The following ST7L variants were observed in gnomAD, a reference collection of about 807,000 sequenced individuals.
The protein encoded by ST7L is suppression of tumorigenicity 7 like.
ST7L carries 57 observed loss-of-function variants against 72.5 expected under a neutral mutation model. The ratio of observed to expected loss-of-function variants is 0.79; its 90% confidence interval spans 0.64 to 0.98. The LOEUF (loss-of-function observed/expected upper bound fraction) is 0.98, where lower values mean the gene tolerates loss of function less well. Among genes scored for constraint, ST7L ranks in the 50% least tolerant of loss-of-function variants. The probability of loss-of-function intolerance (pLI) is 0.00; values close to 1 mark genes in which losing one functional copy is unlikely to be tolerated. For synonymous variants in ST7L, 221 were observed against 240.9 expected, an observed-to-expected ratio of 0.92 and a Z score of 0.77; for missense variants, 576 against 672.2, an observed-to-expected ratio of 0.86 and a Z score of 1.58.
chr1:112,539,930 T>C (rs1322228655), intron 14 of ST7L: 3 of 985,298 alleles, frequency 3.0e-6, no homozygotes, highest in African/African-American at 1.7e-5. Flanking sequence ...TAAATGCTTG[T>C]TTATTATCCA....
chr1:112,560,052 G>A (rs1659850292), intron 11 of ST7L, among the ~76,000 whole-genome samples: 1 of 151,988 alleles, frequency 6.6e-6, no homozygotes, highest in African/African-American at 2.4e-5. Context: ...ATTATTATTG[G>A]TGGTCCTACC....
At chr1:112,619,293 C>A, upstream of ST7L, 1 of 629,702 alleles carries the variant, frequency 1.6e-6, no homozygotes, top group South Asian at 1.9e-5. Flanking sequence ...GCTACCTGTT[C>A]TTTCGTGGGG....
intron 14 of ST7L, among the ~76,000 whole-genome samples, chr1:112,541,336 C>G (rs1209954257): frequency 1.3e-5 from 2 of 151,504 alleles, no homozygotes; most frequent in Admixed American, 1.3e-4. Flanking sequence ...TATCAGTCCT[C>G]AAGTGTTAAC....
At chr1:112,569,054 T>TA (rs951720354) in intron 11 of ST7L, among the ~76,000 whole-genome samples, 16 of 151,564 alleles carry the variant, frequency 1.1e-4, no homozygotes, top group African/African-American at 3.9e-4. Context: ...ATAACTATAA[T>TA]AAAAAAGACA....
At chr1:112,550,164 C>T (rs1442443706) in intron 13 of ST7L, among the ~76,000 whole-genome samples, 1 of 152,104 alleles carries the variant, frequency 6.6e-6, no homozygotes, top group Non-Finnish European at 1.5e-5. Flanking sequence ...TTGCTGGATT[C>T]AGTTTCCTAA....
At chr1:112,613,780 T>G (rs1669434469) in intron 2 of ST7L, among the ~76,000 whole-genome samples, 1 of 152,148 alleles carries the variant, frequency 6.6e-6, no homozygotes, top group South Asian at 2.1e-4. Flanking sequence ...CGGGCTGGAG[T>G]GCAGTAGCAT....
intron 12 of ST7L, among the ~76,000 whole-genome samples, chr1:112,554,857 A>G (rs1045437799): frequency 6.6e-6 from 1 of 152,196 alleles, no homozygotes; most frequent in Non-Finnish European, 1.5e-5. Flanking sequence ...AAGATATTAT[A>G]CTAAGTGAAA....
chr1:112,518,985 A>G (rs1652712295), downstream of ST7L, among the ~76,000 whole-genome samples: 1 of 152,152 alleles, frequency 6.6e-6, no homozygotes, highest in South Asian at 2.1e-4. Context: ...TTTTTAGTTT[A>G]ATTTTCATTA....
At chr1:112,617,748 C>T (rs1670129668) in intron 1 of ST7L, among the ~76,000 whole-genome samples, 1 of 150,816 alleles carries the variant, frequency 6.6e-6, no homozygotes, top group Admixed American at 6.6e-5. Flanking sequence ...CACACACACA[C>T]ACACACACGA....
At chr1:112,588,295 A>G (rs1665162534) in intron 6 of ST7L, among the ~76,000 whole-genome samples, 1 of 152,196 alleles carries the variant, frequency 6.6e-6, no homozygotes. Context: ...TTTCTTGACT[A>G]AACTGCACTG....
chr1:112,523,177 G>T (rs1413014300), downstream of ST7L: 2 of 152,160 alleles, frequency 1.3e-5, no homozygotes, highest in Admixed American at 1.3e-4. Context: ...TTTGGTTTTT[G>T]GTTCTCATCC....
chr1:112,552,442 T>C (rs1658374893), intron 12 of ST7L, among the ~76,000 whole-genome samples: 1 of 152,222 alleles, frequency 6.6e-6, no homozygotes, highest in South Asian at 2.1e-4. Flanking sequence ...TTTGCTCTTG[T>C]TGCCCAGGCT....
chr1:112,593,056 A>G (rs1384912913), intron 5 of ST7L, among the ~76,000 whole-genome samples: 1 of 152,206 alleles, frequency 6.6e-6, no homozygotes, highest in Non-Finnish European at 1.5e-5. Flanking sequence ...TTGCTAATTT[A>G]ACACCTTAAC....
intron 14 of ST7L, chr1:112,526,808 C>G (rs1468443003): frequency 6.6e-6 from 1 of 151,878 alleles, no homozygotes. Flanking sequence ...AAAATGACGT[C>G]AACTCCTGGG....
At position 112,600,795 on chromosome 1, in the gene ST7L, T is replaced by G; in HGVS notation, c.505A>C (p.Arg169=). ...LNLFRGAEYR[R]YTWVTGKEPL... ...TATACTGAAAGCAAAATGTAATACCTCCTATATTCTGCTCCTCTGAAAAGA... is the reference window on the plus strand; with the variant it reads ...TATACTGAAAGCAAAATGTAATACCGCCTATATTCTGCTCCTCTGAAAAGA... The change falls in exon 4 of 15, where the codon AGA becomes CGA. Residue 169 remains arginine (R), a splice_region_variant and synonymous_variant. Transcript: ENST00000358039. 1 of 1,610,012 alleles carries G rather than the reference T, an allele frequency of 6.2e-7. No homozygotes were observed. Among genetic ancestry groups the G allele is most frequent in the South Asian group, 1.1e-5 (1 of 90,490 alleles).
At chr1:112,607,839 G>T (rs931972830) in intron 3 of ST7L, among the ~76,000 whole-genome samples, 2 of 152,116 alleles carry the variant, frequency 1.3e-5, no homozygotes, top group Non-Finnish European at 2.9e-5. Context: ...GCCATTAAAG[G>T]TGGAAAATTC....
At chr1:112,540,341 C>A (rs1384233157) in intron 14 of ST7L, 9 of 985,264 alleles carry the variant, frequency 9.1e-6, no homozygotes, top group African/African-American at 1.7e-5. Flanking sequence ...CTTTCTAGGC[C>A]ATTTTTATTC....
At position 112,524,010 on chromosome 1, in the gene ST7L, CAA is replaced by C. The variant is rs1557928178; in HGVS notation, c.*2001_*2002del. On this transcript the variant is annotated 3_prime_UTR_variant, in exon 15 of 15. Coordinates refer to ENST00000358039, the MANE Select transcript of ST7L (RefSeq NM_017744.5). ...AGGGGCTTCAGATTAAAAAAAAAAACAAAAAACAAAAAACAAAAACAAACATT... is the reference window on the plus strand; with the variant it reads ...AGGGGCTTCAGATTAAAAAAAAAAACAAAACAAAAAACAAAAACAAACATT... 1 of 150,748 alleles carries C rather than the reference CAA, an allele frequency of 6.6e-6. No homozygotes were observed. The highest frequency in any genetic ancestry group is 1.5e-5 in the Non-Finnish European group (1 of 67,596). 9.3% of individuals were successfully genotyped at this position (150,748 alleles called of 1,614,324 possible).
chr1:112,614,342 A>G lies in ST7L; in HGVS notation c.288+2471T>C, dbSNP rs189453246. 4.3e-3 allele frequency among the ~76,000 whole-genome samples: 652 copies of G among 152,280 alleles called. 4 individuals carry two copies. Among genetic ancestry groups the G allele is most frequent in the African/African-American group, 0.015 (628 of 41,556 alleles). ...AGGGATTCTCCCACTCCATCCTCCC[A>G]AAGTGTTGGGATTACAGGTGTAAGC... On this transcript the variant is annotated intron_variant, in intron 2 of 14. Coordinates refer to ENST00000358039, the MANE Select transcript of ST7L (RefSeq NM_017744.5).
Sources: gnomAD v4.1 joint callset for allele counts (sites outside exome capture counted in the v4.1 genomes callset) on GRCh38, gnomAD v4.1.1 for gene constraint, MANE v1.5 for transcripts, NCBI Gene and HGNC (gene_info 2026-07-23, HGNC 2026-07-21) for gene names.